The following TCF12 variants were observed in gnomAD, a reference collection of about 807,000 sequenced individuals.
TCF12 encodes the protein DNA-binding protein HTF4.
In TCF12, 45 loss-of-function variants were observed where a neutral mutation model predicts 86.0. That is an observed-to-expected ratio of 0.52 (90% CI 0.41 to 0.67). The LOEUF (loss-of-function observed/expected upper bound fraction) is 0.67, where lower values mean the gene tolerates loss of function less well. Among genes scored for constraint, TCF12 ranks in the 30% least tolerant of loss-of-function variants. The pLI, the probability that TCF12 is intolerant of heterozygous loss-of-function variation, is 0.00. For missense variants in TCF12, 881 were observed against 859.9 expected, an observed-to-expected ratio of 1.02 and a Z score of -0.31; for synonymous variants, 330 against 299.6, an observed-to-expected ratio of 1.10 and a Z score of -1.05.
chr15:57,255,269 A>G (rs1183905330), intron 16 of TCF12, among the ~76,000 whole-genome samples: 1 of 152,216 alleles, frequency 6.6e-6, no homozygotes, highest in African/African-American at 2.4e-5. Flanking sequence ...ATATTCCATA[A>G]TAGAAAGGGA....
chr15:57,056,698 A>G (rs748669578), intron 3 of TCF12, among the ~76,000 whole-genome samples: 12 of 152,038 alleles, frequency 7.9e-5, no homozygotes, highest in African/African-American at 1.2e-4. Flanking sequence ...GACTCAAGCA[A>G]TCCACCTGCC....
chr15:57,074,924 T>C (rs1466404272), intron 4 of TCF12, among the ~76,000 whole-genome samples: 1 of 152,206 alleles, frequency 6.6e-6, no homozygotes, highest in Non-Finnish European at 1.5e-5. Context: ...TCATCAATAA[T>C]GGTTAGATTT....
At chr15:57,009,837 A>T (rs967579184) in intron 3 of TCF12, among the ~76,000 whole-genome samples, 1 of 152,202 alleles carries the variant, frequency 6.6e-6, no homozygotes, top group Non-Finnish European at 1.5e-5. Flanking sequence ...AACATTTTTC[A>T]TAGAATTTTC....
rs556889507 is a variant in TCF12, at chr15:57,234,926, A to G, written c.1035+819A>G. On this transcript the variant is annotated intron_variant, in intron 12 of 20. Transcript: ENST00000333725. ...TGTCTTTTATTTTCTATGAAGTGCAATTAACTGTCAGATACATTTGTTGCC... is the reference window on the plus strand; with the variant it reads ...TGTCTTTTATTTTCTATGAAGTGCAGTTAACTGTCAGATACATTTGTTGCC... Among the ~76,000 whole-genome samples, 23 of 152,290 alleles carry G rather than the reference A, an allele frequency of 1.5e-4. No homozygotes were observed. In the South Asian group the frequency reaches 3.5e-3, roughly 23 times the overall value.
At chr15:57,263,933 A>T (rs371885672) in intron 18 of TCF12, among the ~76,000 whole-genome samples, 3 of 152,170 alleles carry the variant, frequency 2.0e-5, no homozygotes, top group African/African-American at 7.2e-5. Flanking sequence ...GGGTGATTCA[A>T]TGAGCAGGTG....
intron 5 of TCF12, among the ~76,000 whole-genome samples, chr15:57,119,772 A>C (rs1018366154): frequency 2.0e-5 from 3 of 152,110 alleles, no homozygotes; most frequent in Non-Finnish European, 4.4e-5. Context: ...ATCCTGTGGC[A>C]ATCCTAAATA....
At chr15:56,991,414 G>C (rs976391837) in intron 3 of TCF12, among the ~76,000 whole-genome samples, 21 of 152,166 alleles carry the variant, frequency 1.4e-4, no homozygotes, top group Non-Finnish European at 2.9e-4. Flanking sequence ...GCATTGAAAG[G>C]GCTGAACTTG....
At chr15:57,003,551 A>G (rs756568493) in intron 3 of TCF12, among the ~76,000 whole-genome samples, 3 of 152,168 alleles carry the variant, frequency 2.0e-5, no homozygotes, top group African/African-American at 4.8e-5. Flanking sequence ...AAACACAACA[A>G]TGCAAAAACG....
At chr15:57,268,828 T>G (rs1407890415) in intron 18 of TCF12, among the ~76,000 whole-genome samples, 4 of 43,014 alleles carry the variant, frequency 9.3e-5, no homozygotes, top group African/African-American at 2.1e-4. Flanking sequence ...AACCACTGTT[T>G]ACTTCTTTTT....
chr15:57,238,293 T>A (rs2059462113), intron 12 of TCF12, among the ~76,000 whole-genome samples: 1 of 152,180 alleles, frequency 6.6e-6, no homozygotes, highest in Non-Finnish European at 1.5e-5. Context: ...TATATGACTC[T>A]AAACTATTAC....
chr15:56,999,414 C>CAG (rs59853161), intron 3 of TCF12, among the ~76,000 whole-genome samples: 152,025 of 152,282 alleles, frequency 1, 75,886 homozygotes, highest in East Asian at 1. Flanking sequence ...AGCAACCAAA[C>CAG]GGGATATCAT....
chr15:57,200,906 C>A (rs2057511695), intron 8 of TCF12, among the ~76,000 whole-genome samples: 1 of 152,000 alleles, frequency 6.6e-6, no homozygotes, highest in Non-Finnish European at 1.5e-5. Flanking sequence ...CTAAATCTGC[C>A]CAGCTCAGTT....
intron 16 of TCF12, among the ~76,000 whole-genome samples, chr15:57,255,699 G>A (rs919873684): frequency 2.0e-5 from 3 of 152,080 alleles, no homozygotes; most frequent in Non-Finnish European, 4.4e-5. Context: ...GGCCAGGCTG[G>A]TCTCAAACTC....
At chr15:57,047,378 A>G (rs2067302233) in intron 3 of TCF12, among the ~76,000 whole-genome samples, 1 of 152,218 alleles carries the variant, frequency 6.6e-6, no homozygotes, top group Non-Finnish European at 1.5e-5. Flanking sequence ...ACTGTCTTCT[A>G]TTGCTATCTT....
chr15:57,090,131 T>A (rs975131757), intron 4 of TCF12, among the ~76,000 whole-genome samples: 5 of 151,928 alleles, frequency 3.3e-5, no homozygotes, highest in African/African-American at 9.7e-5. Context: ...GGTGGGAGGA[T>A]CACTTGAGCC....
chr15:57,224,128 G>T (rs1382909102), intron 8 of TCF12, among the ~76,000 whole-genome samples: 3 of 151,650 alleles, frequency 2.0e-5, no homozygotes, highest in Non-Finnish European at 4.4e-5. Context: ...CATACTAGAA[G>T]GTATGTTGTC....
intron 3 of TCF12, among the ~76,000 whole-genome samples, chr15:56,924,844 A>G (rs1018034839): frequency 2.0e-5 from 3 of 152,212 alleles, no homozygotes; most frequent in African/African-American, 7.2e-5. Flanking sequence ...GGAAAACATA[A>G]AAATTAGAGA....
intron 5 of TCF12, among the ~76,000 whole-genome samples, chr15:57,161,213 T>C (rs2054484422): frequency 6.6e-6 from 1 of 152,240 alleles, no homozygotes; most frequent in South Asian, 2.1e-4. Flanking sequence ...TTAGTTTGTA[T>C]TTCTGTAAGC....
Position 57,262,091 on chromosome 15 carries a change from T to G in TCF12, c.1468-3T>G. ...TTTATTTTTGGGTTTTCCTTAACTT[T>G]AGGTTGGAACTCATCGGGAAGACTC... On this transcript the variant is annotated splice_region_variant and splice_polypyrimidine_tract_variant and intron_variant, in intron 16 of 20. Transcript: ENST00000333725. The G allele has an allele frequency of 5.6e-6, 9 of 1,599,546 alleles. No homozygotes were observed. The highest frequency in any genetic ancestry group is 7.7e-6 in the Non-Finnish European group (9 of 1,172,872).
Sources: gnomAD v4.1 joint callset for allele counts (sites outside exome capture counted in the v4.1 genomes callset) on GRCh38, gnomAD v4.1.1 for gene constraint, MANE v1.5 for transcripts, NCBI Gene and HGNC (gene_info 2026-07-23, HGNC 2026-07-21) for gene names.